WDFY3: variants seen among roughly 807,000 people sequenced by gnomAD.
The protein encoded by WDFY3 is WD repeat and FYVE domain containing 3, also known as WD repeat and FYVE domain-containing protein 3.
Under a neutral mutation model 409.6 loss-of-function variants are expected in WDFY3, and 66 were observed. That is an observed-to-expected ratio of 0.16 (90% CI 0.13 to 0.20). WDFY3 has a LOEUF of 0.20. WDFY3 is among the 10% of genes least tolerant of loss of function. The pLI is 1.00. For missense variants in WDFY3, 3,031 were observed against 4,298.1 expected (o/e 0.71, Z 8.24); for synonymous variants, 1,521 against 1,537.1 (o/e 0.99, Z 0.25).
chr4:84,932,725 C>G (rs1048016180), intron 1 of WDFY3, among the ~76,000 whole-genome samples: 2 of 152,126 alleles, frequency 1.3e-5, no homozygotes, highest in Non-Finnish European at 2.9e-5. Context: ...ATATCACAGA[C>G]CACACAGCCT....
At chr4:84,747,808 T>C (rs1394532984) in intron 36 of WDFY3, among the ~76,000 whole-genome samples, 1 of 152,144 alleles carries the variant, frequency 6.6e-6, no homozygotes, top group African/African-American at 2.4e-5. Context: ...CCTTCTGCCA[T>C]GACTGTAAGT....
intron 1 of WDFY3, among the ~76,000 whole-genome samples, chr4:84,941,570 T>A (rs1348599737): frequency 2.0e-5 from 3 of 152,006 alleles, no homozygotes; most frequent in Non-Finnish European, 4.4e-5. Context: ...TGTTCATGGA[T>A]TTGGAGGCAA....
chr4:84,938,062 G>T (rs1771655352), intron 1 of WDFY3, among the ~76,000 whole-genome samples: 1 of 152,074 alleles, frequency 6.6e-6, no homozygotes, highest in Non-Finnish European at 1.5e-5. Context: ...ACTCTGACAG[G>T]TGTATTTCCC....
At chr4:84,706,435 T>G in intron 53 of WDFY3, among the ~76,000 whole-genome samples, 1 of 150,838 alleles carries the variant, frequency 6.6e-6, no homozygotes, top group Non-Finnish European at 1.5e-5. Flanking sequence ...GGGCTGAGAG[T>G]TGAGAGAGAC....
chr4:84,730,396 G>T (rs981722444), intron 44 of WDFY3, among the ~76,000 whole-genome samples: 1 of 152,064 alleles, frequency 6.6e-6, no homozygotes, highest in African/African-American at 2.4e-5. Context: ...GTTAGCACTA[G>T]AGAGATAAAA....
intron 2 of WDFY3, among the ~76,000 whole-genome samples, chr4:84,904,058 C>G (rs1766686438): frequency 6.6e-6 from 1 of 152,146 alleles, no homozygotes; most frequent in South Asian, 2.1e-4. Flanking sequence ...GGGTGGAACT[C>G]TCATAAACTG....
intron 46 of WDFY3, among the ~76,000 whole-genome samples, chr4:84,722,219 C>T (rs943335473): frequency 4.7e-4 from 71 of 152,170 alleles, no homozygotes; most frequent in African/African-American, 1.7e-3. Flanking sequence ...AAAACCCCGT[C>T]TCTACTAAAA....
At chr4:84,902,616 C>T (rs1460412145) in intron 2 of WDFY3, among the ~76,000 whole-genome samples, 1 of 152,164 alleles carries the variant, frequency 6.6e-6, no homozygotes, top group Non-Finnish European at 1.5e-5. Context: ...AGAATTTTCA[C>T]CATGACAAAA....
At position 84,724,529 on chromosome 4, in the gene WDFY3, A is replaced by G; in HGVS notation, c.7338T>C (p.Ser2446=). 1 of 1,614,182 alleles carries G rather than the reference A, an allele frequency of 6.2e-7. No individual in the cohort carries two copies. The highest frequency in any genetic ancestry group is 8.5e-7 in the Non-Finnish European group (1 of 1,180,008). ...CGTCTTGGACAATGGCGGGATTGCC[A>G]GAGGCCAGTCGCATGTAGTACTCTT... ...DSKEYYMRLA[S]GNPAIVQDAI... is the part of the protein sequence containing the mutation. The change falls in exon 46 of 68, where the codon TCT becomes TCC. Residue 2446 remains serine (S), a synonymous_variant. Coordinates refer to ENST00000295888, the MANE Select transcript of WDFY3 (RefSeq NM_014991.6).
intron 13 of WDFY3, among the ~76,000 whole-genome samples, chr4:84,815,666 C>T (rs1753189111): frequency 6.6e-6 from 1 of 152,042 alleles, no homozygotes; most frequent in Admixed American, 6.5e-5. Context: ...TAATCAGATT[C>T]ATATTATATA....
intron 3 of WDFY3, among the ~76,000 whole-genome samples, chr4:84,880,002 T>C (rs1252882020): frequency 6.6e-6 from 1 of 152,226 alleles, no homozygotes; most frequent in Non-Finnish European, 1.5e-5. Context: ...AACCTGTATG[T>C]TACATTATGT....
chr4:84,740,754 T>A lies in WDFY3; in HGVS notation c.6235-338A>T, dbSNP rs573075401. ...CACAAATATATTTTGTTAGGATAAA[T>A]GATCTATATTCAAAAGTACTGAAAA... On this transcript the variant is annotated intron_variant, in intron 38 of 67. Transcript: ENST00000295888. 2.8e-3 allele frequency among the ~76,000 whole-genome samples: 424 copies of A among 152,280 alleles called. 2 individuals carry two copies. Among genetic ancestry groups the A allele is most frequent in the Non-Finnish European group, 5.0e-3 (339 of 68,008 alleles).
intron 53 of WDFY3, among the ~76,000 whole-genome samples, chr4:84,708,462 A>G (rs1406203708): frequency 1.3e-5 from 2 of 152,134 alleles, no homozygotes; most frequent in East Asian, 1.9e-4. Context: ...CTTCTCATCT[A>G]TTTGAATTAA....
intron 2 of WDFY3, among the ~76,000 whole-genome samples, chr4:84,924,849 CATT>C (rs1420269696): frequency 1.3e-5 from 2 of 152,170 alleles, no homozygotes; most frequent in Non-Finnish European, 2.9e-5. Flanking sequence ...CCTACACAAT[CATT>C]ATAAAGCATA....
At chr4:84,954,446 G>A (rs1773991145) in intron 1 of WDFY3, among the ~76,000 whole-genome samples, 1 of 152,116 alleles carries the variant, frequency 6.6e-6, no homozygotes. Flanking sequence ...AACTTGGACT[G>A]TAGGGTCAAA....
At chr4:84,758,885 A>T (rs1053649248) in intron 32 of WDFY3, among the ~76,000 whole-genome samples, 1 of 152,196 alleles carries the variant, frequency 6.6e-6, no homozygotes, top group Non-Finnish European at 1.5e-5. Context: ...GCCCGTGCCT[A>T]TGTCCTGAAT....
chr4:84,894,057 A>G (rs1765294275), intron 3 of WDFY3, among the ~76,000 whole-genome samples: 1 of 152,214 alleles, frequency 6.6e-6, no homozygotes, highest in Non-Finnish European at 1.5e-5. Context: ...TAAAGACTCT[A>G]TAAGGAATAT....
At chr4:84,735,218 T>C (rs1445923398) in intron 42 of WDFY3, 98 bp from the exon 43 acceptor site, 1 of 1,162,022 alleles carries the variant, frequency 8.6e-7, no homozygotes, top group Non-Finnish European at 1.2e-6. Flanking sequence ...TGGTTAAAAT[T>C]CTGCCAAAAG....
intron 30 of WDFY3, among the ~76,000 whole-genome samples, chr4:84,772,045 A>T (rs563219062): frequency 1.3e-5 from 2 of 152,310 alleles, no homozygotes; most frequent in East Asian, 3.9e-4. Flanking sequence ...CTTTGGGAGG[A>T]AGTGATACTA....
Sources: allele counts gnomAD v4.1 joint callset (sites outside exome capture counted in the v4.1 genomes callset), GRCh38; gene constraint gnomAD v4.1.1; transcripts MANE v1.5; gene names NCBI Gene and HGNC (gene_info 2026-07-23, HGNC 2026-07-21).